The following MYRFL variants were observed in gnomAD, a reference collection of about 807,000 sequenced individuals.
MYRFL encodes the protein myelin regulatory factor like.
MYRFL carries 88 observed loss-of-function variants against 109.4 expected under a neutral mutation model. That is an observed-to-expected ratio of 0.80 (90% CI 0.68 to 0.96). The LOEUF is 0.96. MYRFL is among the 40% of genes least tolerant of loss of function. The probability of loss-of-function intolerance (pLI) is 0.00; values close to 1 mark genes in which losing one functional copy is unlikely to be tolerated. For synonymous variants in MYRFL, 324 were observed against 320.9 expected (o/e 1.01, Z -0.10); for missense variants, 957 against 954.9 (o/e 1.00, Z -0.03).
At chr12:69,938,885 C>T (rs112217654) in intron 19 of MYRFL, among the ~76,000 whole-genome samples, 3 of 152,230 alleles carry the variant, frequency 2.0e-5, no homozygotes, top group Admixed American at 6.5e-5. Flanking sequence ...ACCCGGGAAG[C>T]GCAGGGTTCA....
intron 1 of MYRFL, among the ~76,000 whole-genome samples, chr12:69,826,408 T>C (rs1298507990): frequency 6.6e-6 from 1 of 152,118 alleles, no homozygotes; most frequent in Non-Finnish European, 1.5e-5. Context: ...TGATTTTATA[T>C]CATATATAAT....
chr12:69,895,402 G>A lies in MYRFL; in HGVS notation c.1012G>A (p.Val338Ile). 6.5e-7 allele frequency: 1 copy of A among 1,535,182 alleles called. No individual in the cohort carries two copies. The highest frequency in any genetic ancestry group is 1.7e-4 in the Middle Eastern group (1 of 5,982). The change falls in exon 9 of 25, where the codon GTA (valine) becomes ATA (isoleucine). Residue 338 changes from valine to isoleucine, a missense_variant. Coordinates refer to ENST00000552032, the MANE Select transcript of MYRFL (RefSeq NM_182530.3). ...IDLLADQVTK[V>I]TLGRLHFSET... ...CCTACTGGCTGACCAGGTCACCAAAGTAACACTGGGACGATTACACTTCAG... is the reference window on the plus strand; with the variant it reads ...CCTACTGGCTGACCAGGTCACCAAAATAACACTGGGACGATTACACTTCAG...
At chr12:69,935,853 T>TG (rs894111338) in intron 16 of MYRFL, 9 of 465,860 alleles carry the variant, frequency 1.9e-5, no homozygotes, top group Middle Eastern at 2.9e-4. Flanking sequence ...TTGCCAGGGC[T>TG]GGGGGGCTGC....
At chr12:69,854,213 C>G (rs537826965) in intron 1 of MYRFL, among the ~76,000 whole-genome samples, 4 of 152,062 alleles carry the variant, frequency 2.6e-5, no homozygotes, top group Non-Finnish European at 4.4e-5. Context: ...GGCGTGGCGG[C>G]GCGTGCCTGC....
chr12:69,945,601 G>T (rs1381525488), intron 19 of MYRFL, among the ~76,000 whole-genome samples: 1 of 152,150 alleles, frequency 6.6e-6, no homozygotes, highest in Non-Finnish European at 1.5e-5. Context: ...GCATCATGTA[G>T]TTAAGCAATG....
At chr12:69,911,803 G>A (rs1954580651) in intron 13 of MYRFL, among the ~76,000 whole-genome samples, 1 of 152,200 alleles carries the variant, frequency 6.6e-6, no homozygotes. Flanking sequence ...GTAGTCATGG[G>A]GAGAGATGCT....
chr12:69,943,345 A>G (rs1286485550), intron 19 of MYRFL, among the ~76,000 whole-genome samples: 1 of 148,880 alleles, frequency 6.7e-6, no homozygotes, highest in African/African-American at 2.5e-5. Flanking sequence ...ATATAGATCA[A>G]TGGAACAGAA....
At chr12:69,883,169 C>T (rs1359896667) in intron 5 of MYRFL, among the ~76,000 whole-genome samples, 6 of 152,186 alleles carry the variant, frequency 3.9e-5, no homozygotes, top group Non-Finnish European at 7.3e-5. Context: ...TGAATCTCAC[C>T]TCTTCCACTT....
intron 2 of MYRFL, among the ~76,000 whole-genome samples, chr12:69,866,040 T>C (rs12296977): frequency 0.056 from 8,450 of 152,194 alleles, 791 homozygotes; most frequent in African/African-American, 0.19. Context: ...AAGTAACTCT[T>C]CATAGGTCAA....
At chr12:69,840,587 C>G (rs1013982918) in intron 1 of MYRFL, among the ~76,000 whole-genome samples, 1 of 152,210 alleles carries the variant, frequency 6.6e-6, no homozygotes, top group African/African-American at 2.4e-5. Context: ...TTGTGCCTAG[C>G]ACACTGCTCT....
chr12:69,840,023 C>T (rs1213008287), intron 1 of MYRFL, among the ~76,000 whole-genome samples: 1 of 152,168 alleles, frequency 6.6e-6, no homozygotes, highest in Non-Finnish European at 1.5e-5. Context: ...CTAAAAGACC[C>T]ATGTCTTTGT....
chr12:69,942,785 C>A (rs1955703025), intron 19 of MYRFL, among the ~76,000 whole-genome samples: 2 of 151,632 alleles, frequency 1.3e-5, no homozygotes, highest in East Asian at 3.9e-4. Context: ...ATCTAGAAAA[C>A]CCCATTGTCT....
At chr12:69,884,663 C>A (rs1242275017) in intron 5 of MYRFL, among the ~76,000 whole-genome samples, 2 of 152,168 alleles carry the variant, frequency 1.3e-5, no homozygotes, top group Non-Finnish European at 2.9e-5. Flanking sequence ...ATAGAGCTAC[C>A]ATGGAGGCCA....
Position 69,936,650 on chromosome 12 carries a change from A to G in MYRFL, c.2224+18A>G, listed in dbSNP as rs1268572559. On this transcript the variant is annotated intron_variant, in intron 19 of 24. Transcript: ENST00000552032. The stretch of plus-strand genomic sequence containing the variant: ...ATGGTCAGGTAAATGATGTTCAAAG[A>G]GAAACAACTAGAGCTTTGAACTTGA... 1.3e-6 allele frequency: 2 copies of G among 1,485,538 alleles called. No homozygotes were observed. Among genetic ancestry groups the G allele is most frequent in the African/African-American group, 2.8e-5 (2 of 70,952 alleles). 92.0% of individuals were successfully genotyped at this position (1,485,538 alleles called of 1,614,324 possible).
intron 13 of MYRFL, among the ~76,000 whole-genome samples, chr12:69,924,830 A>G (rs117907142): frequency 0.042 from 6,369 of 152,276 alleles, 193 homozygotes; most frequent in Non-Finnish European, 0.064. Context: ...CATAGGCCTC[A>G]GAAATCAAGC....
chr12:69,850,384 T>A lies in MYRFL; in HGVS notation c.47-4896T>A, dbSNP rs539175369. ...ATTAAATTTAATATAAAATATTAAT[T>A]TTACTTGAATTTAACAGAATAAAAA... is the stretch of plus-strand genomic sequence containing the variant. On this transcript the variant is annotated intron_variant, in intron 1 of 24. Transcript: ENST00000552032. Among the ~76,000 whole-genome samples the A allele has an allele frequency of 2.0e-5, 3 of 151,828 alleles. No homozygotes were observed. The East Asian group carries it at 5.8e-4, about 29-fold the overall frequency.
chr12:69,828,339 A>AT, intron 1 of MYRFL, among the ~76,000 whole-genome samples: 1 of 152,088 alleles, frequency 6.6e-6, no homozygotes, highest in East Asian at 1.9e-4. Context: ...AGTAAAAGCC[A>AT]TTTTTGCATT....
chr12:69,878,842 C>T (rs76358043), intron 2 of MYRFL, among the ~76,000 whole-genome samples, 186 bp from the exon 3 acceptor site: 7,555 of 152,202 alleles, frequency 0.05, 178 homozygotes, highest in South Asian at 0.075. Context: ...AGCCCACTCA[C>T]TTAACCAGGA....
intron 13 of MYRFL, among the ~76,000 whole-genome samples, chr12:69,922,601 A>G (rs1416523331): frequency 6.6e-6 from 1 of 152,148 alleles, no homozygotes; most frequent in Non-Finnish European, 1.5e-5. Flanking sequence ...CACCAACTAG[A>G]TTATTTAAAG....
Sources: allele counts gnomAD v4.1 joint callset (sites outside exome capture counted in the v4.1 genomes callset), GRCh38; gene constraint gnomAD v4.1.1; transcripts MANE v1.5; gene names NCBI Gene and HGNC (gene_info 2026-07-23, HGNC 2026-07-21).